DCC: variants seen among roughly 807,000 people sequenced by gnomAD.
DCC encodes netrin receptor DCC.
A neutral mutation model predicts 172.5 loss-of-function variants in DCC; 58 were observed. That is an observed-to-expected ratio of 0.34 (90% CI 0.27 to 0.42). DCC has a LOEUF of 0.42. Ranked by LOEUF, DCC falls within the 10% of genes least tolerant of loss-of-function variation. The probability of loss-of-function intolerance (pLI) is 1.00; values close to 1 mark genes in which losing one functional copy is unlikely to be tolerated. For synonymous variants in DCC, 709 were observed against 644.5 expected (o/e 1.10, Z -1.52); for missense variants, 1,740 against 1,791.0 (o/e 0.97, Z 0.51).
intron 9 of DCC, among the ~76,000 whole-genome samples, chr18:53,195,706 G>GATTCATCCTTC (rs2055433619): frequency 6.6e-6 from 1 of 152,082 alleles, no homozygotes; most frequent in Non-Finnish European, 1.5e-5. Flanking sequence ...TGTCTCGTCG[G>GATTCATCCTTC]ATTCATCCTT....
At chr18:53,203,433 A>T (rs1481285784) in intron 9 of DCC, among the ~76,000 whole-genome samples, 1 of 151,620 alleles carries the variant, frequency 6.6e-6, no homozygotes, top group Non-Finnish European at 1.5e-5. Context: ...ATTTGTAAAG[A>T]TAAAAAAATA....
At chr18:53,219,500 T>C (rs142754042) in intron 12 of DCC, among the ~76,000 whole-genome samples, 331 of 152,254 alleles carry the variant, frequency 2.2e-3, no homozygotes, top group African/African-American at 7.6e-3. Flanking sequence ...TAGATCATTG[T>C]TCAGATTTAA....
At chr18:53,412,617 T>C (rs1250850915) in intron 20 of DCC, among the ~76,000 whole-genome samples, 13 of 150,766 alleles carry the variant, frequency 8.6e-5, no homozygotes, top group Non-Finnish European at 8.9e-5. Context: ...GACAAAGGCT[T>C]AGATGTCCCG....
intron 24 of DCC, among the ~76,000 whole-genome samples, chr18:53,464,269 C>T (rs909590454): frequency 5.3e-5 from 8 of 152,062 alleles, no homozygotes; most frequent in African/African-American, 1.9e-4. Context: ...AGCTTCACTT[C>T]GGAAGAATGA....
intron 5 of DCC, among the ~76,000 whole-genome samples, chr18:52,947,459 G>A (rs1000551979): frequency 6.6e-6 from 1 of 152,062 alleles, no homozygotes; most frequent in African/African-American, 2.4e-5. Context: ...GGACTTGAGG[G>A]GTAGTAGGAG....
Position 52,906,150 on chromosome 18 carries a change from G to A in DCC, c.519G>A (p.Trp173Ter). Residue 173 changes from tryptophan to a stop codon, truncating the protein, a stop_gained, in exon 3 of 29, where the codon TGG (tryptophan) becomes TGA (stop). Transcript: ENST00000442544. LOFTEE classifies it high-confidence loss of function. ...GGGAGCCCATGCCAACAATCCACTG[G>A]CAGAAGAACCAACAAGACCTGACTC... ...VIGEPMPTIH[W>*]QKNQQDLTPI... 1 of 1,614,060 alleles carries A rather than the reference G, an allele frequency of 6.2e-7. No homozygotes were observed. The highest frequency in any genetic ancestry group is 8.5e-7 in the Non-Finnish European group (1 of 1,180,028).
intron 1 of DCC, among the ~76,000 whole-genome samples, chr18:52,467,044 T>TTA (rs1555685636): frequency 9.6e-5 from 14 of 145,646 alleles, no homozygotes; most frequent in African/African-American, 3.7e-4. Flanking sequence ...GTGGTTTTTT[T>TTA]AAAAAAAAAA....
intron 2 of DCC, among the ~76,000 whole-genome samples, chr18:52,820,723 T>C (rs1324327915): frequency 6.6e-6 from 1 of 152,132 alleles, no homozygotes; most frequent in Non-Finnish European, 1.5e-5. Flanking sequence ...AGAGAGGTGA[T>C]ACATCCCAGA....
chr18:52,895,075 C>A (rs1421674752), intron 2 of DCC, among the ~76,000 whole-genome samples: 1 of 152,070 alleles, frequency 6.6e-6, no homozygotes, highest in East Asian at 1.9e-4. Context: ...GAAGAAGAAC[C>A]TTGATAAAAT....
At chr18:52,705,560 T>G (rs566880603) in intron 1 of DCC, among the ~76,000 whole-genome samples, 137 of 152,234 alleles carry the variant, frequency 9.0e-4, no homozygotes, top group Admixed American at 1.5e-3. Context: ...AAGTAAGTAA[T>G]TGGTCTGAAA....
chr18:52,755,061 A>G (rs1208066055), intron 2 of DCC, among the ~76,000 whole-genome samples: 9 of 152,206 alleles, frequency 5.9e-5, no homozygotes, highest in African/African-American at 1.9e-4. Context: ...AGGAGAAACA[A>G]GTGGAATAAA....
chr18:53,462,408 G>T (rs2045570285), intron 24 of DCC, among the ~76,000 whole-genome samples: 1 of 151,894 alleles, frequency 6.6e-6, no homozygotes, highest in Admixed American at 6.6e-5. Context: ...GCACATGTGA[G>T]GGATCTAGGC....
chr18:52,774,868 C>G (rs2037402141), intron 2 of DCC, among the ~76,000 whole-genome samples: 1 of 152,190 alleles, frequency 6.6e-6, no homozygotes, highest in African/African-American at 2.4e-5. Context: ...GCAGCTGAGC[C>G]AAATCCTCAC....
At chr18:52,941,704 A>G (rs1429850337) in intron 5 of DCC, among the ~76,000 whole-genome samples, 3 of 152,176 alleles carry the variant, frequency 2.0e-5, no homozygotes, top group East Asian at 1.9e-4. Context: ...TTCATTCACC[A>G]AAGAGACTAC....
intron 2 of DCC, among the ~76,000 whole-genome samples, chr18:52,862,155 A>G (rs1213308213): frequency 1.3e-5 from 2 of 152,186 alleles, no homozygotes; most frequent in African/African-American, 2.4e-5. Flanking sequence ...AATGCTTTCC[A>G]TATGATTTTT....
chr18:53,029,726 G>A (rs1051614489), intron 5 of DCC, among the ~76,000 whole-genome samples: 2 of 151,964 alleles, frequency 1.3e-5, no homozygotes, highest in African/African-American at 2.4e-5. Flanking sequence ...TCATTTTGAG[G>A]GGCTATTCAG....
rs1022860708 is a variant in DCC at position 53,052,069 on chromosome 18, A to T, written c.986-11236A>T. Among the ~76,000 whole-genome samples the T allele has an allele frequency of 3.3e-5, 5 of 151,904 alleles. No homozygotes were observed. In the East Asian group the frequency reaches 9.7e-4, roughly 29 times the overall value. On this transcript the variant is annotated intron_variant, in intron 5 of 28. Transcript: ENST00000442544. ...CTTCTCATTTACATTCACTCTGATG[A>T]TATCGAGTCTGATACATGTTGGTAA...
chr18:52,379,603 T>G (rs1182645072), intron 1 of DCC, among the ~76,000 whole-genome samples: 1 of 152,200 alleles, frequency 6.6e-6, no homozygotes, highest in Non-Finnish European at 1.5e-5. Context: ...TGTGCATCAC[T>G]TAATGGCAGA....
In DCC at chr18:52,563,339, A is replaced by G. The variant is rs146711721; in HGVS notation, c.92-188715A>G. Reference sequence around the variant, plus strand: ...CCCTCTTCAACTCTTGTCAGAATCTATAAGTATGAAAACATACACCATGTT... The same window carrying G: ...CCCTCTTCAACTCTTGTCAGAATCTGTAAGTATGAAAACATACACCATGTT... On this transcript the variant is annotated intron_variant, in intron 1 of 28. Coordinates refer to ENST00000442544, the MANE Select transcript of DCC (RefSeq NM_005215.4). 3.1e-3 allele frequency among the ~76,000 whole-genome samples: 476 copies of G among 152,304 alleles called. 4 individuals carry two copies. The highest frequency in any genetic ancestry group is 0.011 in the African/African-American group (458 of 41,572).
Sources: allele counts gnomAD v4.1 joint callset (sites outside exome capture counted in the v4.1 genomes callset), GRCh38; gene constraint gnomAD v4.1.1; transcripts MANE v1.5; gene names NCBI Gene and HGNC (gene_info 2026-07-23, HGNC 2026-07-21).